EVC2: variants seen among roughly 807,000 people sequenced by gnomAD.
EVC2 encodes EvC ciliary complex subunit 2, also known as limbin.
EVC2 carries 148 observed loss-of-function variants against 149.3 expected under a neutral mutation model. The ratio of observed to expected loss-of-function variants is 0.99; its 90% CI spans 0.87 to 1.14. EVC2 has a LOEUF of 1.14. Ranked by LOEUF, EVC2 falls within the 50% of genes most tolerant of loss-of-function variation. The pLI, the probability that EVC2 is intolerant of heterozygous loss-of-function variation, is 0.00. For synonymous variants in EVC2, 776 were observed against 649.9 expected, an observed-to-expected ratio of 1.19 and a Z score of -2.95; for missense variants, 1,854 against 1,627.3, an observed-to-expected ratio of 1.14 and a Z score of -2.40.
chr4:5,659,882 G>T (rs1718767795), intron 9 of EVC2, among the ~76,000 whole-genome samples: 1 of 152,158 alleles, frequency 6.6e-6, no homozygotes, highest in South Asian at 2.1e-4. Flanking sequence ...CCACATACTT[G>T]CAAATTAAAT....
intron 16 of EVC2, among the ~76,000 whole-genome samples, chr4:5,601,974 T>A (rs1714015900): frequency 6.6e-6 from 1 of 152,106 alleles, no homozygotes; most frequent in Non-Finnish European, 1.5e-5. Context: ...TGGTCTACCA[T>A]CAAGAAGAGG....
rs758129812 is a variant in EVC2 at position 5,622,687 on chromosome 4, A to G, written c.2351T>C (p.Met784Thr). Residue 784 changes from methionine (M) to threonine (T), a missense_variant, in exon 14 of 22, where the codon ATG (methionine) becomes ACG (threonine). Transcript: ENST00000344408. The surrounding 1 kb of genome is among the most constrained non-coding windows in gnomAD (Gnocchi z 5.8). ...QQILEEHGKE[M>T]AARAEQLEGE... ...CTCCAGCTGCTCGGCCCGTGCAGCC[A>G]TCTCCTTGCCGTGCTCCTCCAGGAT... 10 of 1,613,958 alleles carry G rather than the reference A, an allele frequency of 6.2e-6. No homozygotes were observed. The highest frequency in any genetic ancestry group is 7.6e-6 in the Non-Finnish European group (9 of 1,179,996).
chr4:5,699,642 C>CAA lies in EVC2; in HGVS notation c.229-1997_229-1996dup, dbSNP rs773633372. Reference sequence around the variant, plus strand: ...ACAACATAGGGAGACTCCATCTCTACAAAAAAAAAAAAAAAAGAAAAAAAG... The same window carrying CAA: ...ACAACATAGGGAGACTCCATCTCTACAAAAAAAAAAAAAAAAAAGAAAAAAAG... On this transcript the variant is annotated intron_variant, in intron 1 of 21. Coordinates refer to ENST00000344408, the MANE Select transcript of EVC2 (RefSeq NM_147127.5). Among the ~76,000 whole-genome samples the CAA allele has an allele frequency of 9.9e-3, 1,104 of 111,632 alleles. 30 individuals carry two copies. The highest frequency in any genetic ancestry group is 0.027 in the African/African-American group (770 of 28,172). The allele number at this position is 111,632 out of a possible 152,430, so 73.2% of individuals were successfully genotyped here.
chr4:5,544,811 C>T (rs1721582426), intron 21 of EVC2, among the ~76,000 whole-genome samples: 1 of 152,158 alleles, frequency 6.6e-6, no homozygotes, highest in Non-Finnish European at 1.5e-5. Flanking sequence ...GATCAAAACT[C>T]GGTTTCTCAA....
chr4:5,626,961 CA>C (rs1190529367), intron 12 of EVC2, among the ~76,000 whole-genome samples: 1 of 152,154 alleles, frequency 6.6e-6, no homozygotes, highest in Non-Finnish European at 1.5e-5. Context: ...AGGCAGCAGA[CA>C]ATGGGATTTC....
At chr4:5,690,362 A>G (rs1367505762) in intron 4 of EVC2, among the ~76,000 whole-genome samples, 1 of 151,936 alleles carries the variant, frequency 6.6e-6, no homozygotes, top group East Asian at 1.9e-4. Flanking sequence ...GATAACCTCT[A>G]AAGCCTGCAG....
chr4:5,556,912 A>C (rs1186065980), intron 21 of EVC2, among the ~76,000 whole-genome samples: 6 of 101,082 alleles, frequency 5.9e-5, no homozygotes, highest in African/African-American at 1.8e-4. Context: ...AACCATATCT[A>C]TTAAATAAAC....
In EVC2 at chr4:5,626,331, G is replaced by GTTT. The variant is rs34539817; in HGVS notation, c.1887-426_1887-424dup. Reference sequence around the variant, plus strand: ...CTGGCCCAGATGAAACGTTCTTCTTGTTTTTTTTTTTTTTTTTTTTGAGAT... The same window carrying GTTT: ...CTGGCCCAGATGAAACGTTCTTCTTGTTTTTTTTTTTTTTTTTTTTTTTGAGAT... On this transcript the variant is annotated intron_variant, in intron 12 of 21. Coordinates refer to ENST00000344408, the MANE Select transcript of EVC2 (RefSeq NM_147127.5). Among the ~76,000 whole-genome samples, 852 of 124,578 alleles carry GTTT rather than the reference G, an allele frequency of 6.8e-3. 17 individuals carry two copies. Among genetic ancestry groups the GTTT allele is most frequent in the African/African-American group, 0.023 (802 of 34,524 alleles). The allele number at this position is 124,578 out of a possible 152,430, so 81.7% of individuals were successfully genotyped here.
intron 16 of EVC2, among the ~76,000 whole-genome samples, chr4:5,606,717 G>T (rs1410517690): frequency 1.3e-5 from 2 of 152,150 alleles, no homozygotes; most frequent in Non-Finnish European, 2.9e-5. Context: ...AAGCAGATAA[G>T]GACATTGAAA....
At chr4:5,644,461 T>C (rs529308138) in intron 9 of EVC2, among the ~76,000 whole-genome samples, 14 of 152,062 alleles carry the variant, frequency 9.2e-5, no homozygotes, top group African/African-American at 3.1e-4. Flanking sequence ...CCCGCCACCA[T>C]GCCCAACTAA....
chr4:5,555,076 GTCA>G (rs1169908103), intron 21 of EVC2, among the ~76,000 whole-genome samples: 2 of 151,304 alleles, frequency 1.3e-5, no homozygotes, highest in African/African-American at 4.9e-5. Flanking sequence ...GGAGAGTTGG[GTCA>G]TCATCTCCAT....
At chr4:5,568,811 G>A (rs940521264) in intron 19 of EVC2, among the ~76,000 whole-genome samples, 171 bp from the exon 20 acceptor site, 3 of 152,244 alleles carry the variant, frequency 2.0e-5, no homozygotes, top group Admixed American at 6.5e-5. Flanking sequence ...AAACCTATTT[G>A]GTCAGCAACC....
intron 17 of EVC2, among the ~76,000 whole-genome samples, chr4:5,583,863 T>G (rs1022609945): frequency 1.3e-5 from 2 of 151,364 alleles, no homozygotes; most frequent in Non-Finnish European, 3.0e-5. Flanking sequence ...AAACACAGTT[T>G]TTTTTTTTTT....
chr4:5,548,086 G>A (rs1365846356), intron 21 of EVC2, among the ~76,000 whole-genome samples: 1 of 152,058 alleles, frequency 6.6e-6, no homozygotes, highest in Non-Finnish European at 1.5e-5. Flanking sequence ...ACTGTGCACG[G>A]TGGCTGGACC....
At chr4:5,684,541 G>A (rs1281654317) in intron 6 of EVC2, among the ~76,000 whole-genome samples, 3 of 147,044 alleles carry the variant, frequency 2.0e-5, no homozygotes, top group Non-Finnish European at 4.5e-5. Flanking sequence ...TGATCTCCTT[G>A]AAGTCGGGGA....
chr4:5,610,366 T>A (rs972296295), intron 16 of EVC2, among the ~76,000 whole-genome samples: 4 of 152,172 alleles, frequency 2.6e-5, no homozygotes, highest in Non-Finnish European at 5.9e-5. Context: ...CTTATTAAAA[T>A]GCCATCACAT....
At chr4:5,687,139 C>T (rs1266030947) in intron 5 of EVC2, among the ~76,000 whole-genome samples, 1 of 152,148 alleles carries the variant, frequency 6.6e-6, no homozygotes, top group African/African-American at 2.4e-5. Flanking sequence ...CGCCTGTAGA[C>T]CCAGCTACTT....
chr4:5,595,578 T>C (rs1713317406), intron 16 of EVC2, among the ~76,000 whole-genome samples: 1 of 151,978 alleles, frequency 6.6e-6, no homozygotes, highest in African/African-American at 2.4e-5. Context: ...GCGCTAAACA[T>C]GGAAAGGAAC....
At position 5,624,985 on chromosome 4, in the gene EVC2, G is replaced by A. The variant is rs112984963; in HGVS notation, c.2046+764C>T. 4.6e-3 allele frequency among the ~76,000 whole-genome samples: 700 copies of A among 152,026 alleles called. 3 individuals are homozygous for A. The highest frequency in any genetic ancestry group is 0.014 in the African/African-American group (596 of 41,454). ...TCTGTGTCAGTTTAGGCCTGCATCCGCTCGCACCCGGCCAAGTACCAGAGC... is the reference window on the plus strand; with the variant it reads ...TCTGTGTCAGTTTAGGCCTGCATCCACTCGCACCCGGCCAAGTACCAGAGC... On this transcript the variant is annotated intron_variant, in intron 13 of 21. Coordinates refer to ENST00000344408, the MANE Select transcript of EVC2 (RefSeq NM_147127.5).
Sources: allele counts gnomAD v4.1 joint callset (sites outside exome capture counted in the v4.1 genomes callset), GRCh38; gene constraint gnomAD v4.1.1; non-coding constraint Gnocchi (gnomAD v3.1); transcripts MANE v1.5; gene names NCBI Gene and HGNC (gene_info 2026-07-23, HGNC 2026-07-21).